The following ANO1 variants were observed in gnomAD, a reference collection of about 807,000 sequenced individuals.
The protein encoded by ANO1 is anoctamin-1.
In ANO1, 59 loss-of-function variants were observed where a neutral mutation model predicts 124.0. That is an observed-to-expected ratio of 0.48 (90% CI 0.39 to 0.59). ANO1 has a LOEUF of 0.59. Among genes scored for constraint, ANO1 ranks in the 20% least tolerant of loss-of-function variants. ANO1 has a pLI of 0.00. For missense variants in ANO1, 1,059 were observed against 1,328.0 expected, an observed-to-expected ratio of 0.80 and a Z score of 3.15; for synonymous variants, 529 against 532.0, an observed-to-expected ratio of 0.99 and a Z score of 0.08.
At chr11:70,089,994 T>G (rs1424050251) in intron 2 of ANO1, among the ~76,000 whole-genome samples, 7 of 150,830 alleles carry the variant, frequency 4.6e-5, no homozygotes, top group African/African-American at 1.7e-4. Context: ...CCCCAGGGTT[T>G]GTTTGTTTGT....
chr11:70,013,765 G>A (rs560655829), intron 1 of ANO1, among the ~76,000 whole-genome samples: 1 of 111,690 alleles, frequency 9.0e-6, no homozygotes, highest in Admixed American at 9.3e-5. Flanking sequence ...TCGCGCCACT[G>A]CACTCCAGCC....
Position 70,161,360 on chromosome 11 carries a change from T to A in ANO1, c.1778T>A (p.Ile593Asn). 1 of 1,613,780 alleles carries A rather than the reference T, an allele frequency of 6.2e-7. No individual in the cohort carries two copies. The highest frequency in any genetic ancestry group is 8.5e-7 in the Non-Finnish European group (1 of 1,179,808). The change falls in exon 17 of 26, where the codon ATC (isoleucine) becomes AAC (asparagine). Residue 593 changes from isoleucine to asparagine, a missense_variant and splice_region_variant. Around this residue, in one of 2 missense-constraint regions of ANO1, gnomAD observed 809 missense variants for 1,094.9 expected, o/e 0.74. Coordinates refer to ENST00000355303, the MANE Select transcript of ANO1 (RefSeq NM_018043.7). ...TGCATAGCCCGATGGCTCACCAAGA[T>A]CGGTGAGTGCCCATGTTCCAGGTAC... Reference protein sequence around the residue: ...YGCIARWLTKIEVPKTEKSFE... With the variant: ...YGCIARWLTKNEVPKTEKSFE...
intron 16 of ANO1, among the ~76,000 whole-genome samples, chr11:70,158,567 T>C (rs1017541412): frequency 3.9e-5 from 6 of 152,252 alleles, no homozygotes; most frequent in African/African-American, 1.4e-4. Flanking sequence ...GGCATATGCC[T>C]GCAGAAGCTG....
At position 70,115,777 on chromosome 11, in the gene ANO1, T is replaced by A. The variant is rs558975541; in HGVS notation, c.856-681T>A. Among the ~76,000 whole-genome samples, 3 of 152,172 alleles carry A rather than the reference T, an allele frequency of 2.0e-5. No individual in the cohort carries two copies. In the East Asian group the frequency reaches 5.8e-4, roughly 29 times the overall value. ...CACTGAATGACAGTTAAGTATCATT[T>A]TGAGTGTTTGTGAGGGTAACGTGCA... On this transcript the variant is annotated intron_variant, in intron 7 of 25. Coordinates refer to ENST00000355303, the MANE Select transcript of ANO1 (RefSeq NM_018043.7).
intron 1 of ANO1, among the ~76,000 whole-genome samples, chr11:70,073,096 C>G (rs2044001454): frequency 6.6e-6 from 1 of 152,150 alleles, no homozygotes; most frequent in Non-Finnish European, 1.5e-5. Flanking sequence ...AGGAAATTGC[C>G]AGGCAATCTG....
intron 8 of ANO1, among the ~76,000 whole-genome samples, chr11:70,118,572 G>A (rs866697930): frequency 8.9e-6 from 1 of 112,046 alleles, no homozygotes; most frequent in Non-Finnish European, 1.9e-5. Flanking sequence ...ATGGATGGAT[G>A]GATAGATGGA....
rs145928150 is a variant in ANO1 at position 70,167,830 on chromosome 11, G to A, written c.2197+443G>A. On this transcript the variant is annotated intron_variant, in intron 21 of 25. Coordinates refer to ENST00000355303, the MANE Select transcript of ANO1 (RefSeq NM_018043.7). ...CCCGGCCCTGCTAAGCTGCAAGATCGTCCTTACTTGAAACCCCCCACAATC... is the reference window on the plus strand; with the variant it reads ...CCCGGCCCTGCTAAGCTGCAAGATCATCCTTACTTGAAACCCCCCACAATC... Among the ~76,000 whole-genome samples the A allele has an allele frequency of 4.9e-3, 746 of 152,216 alleles. 11 individuals are homozygous for A. The highest frequency in any genetic ancestry group is 6.3e-3 in the Non-Finnish European group (427 of 68,002).
chr11:69,983,124 T>A (rs1036119737), upstream of ANO1, among the ~76,000 whole-genome samples: 44 of 152,180 alleles, frequency 2.9e-4, 2 homozygotes, highest in Admixed American at 2.2e-3. Flanking sequence ...GAGACCTGCA[T>A]GATGGTGCTG....
chr11:70,047,246 TC>T (rs1217269621), intron 1 of ANO1, among the ~76,000 whole-genome samples: 1 of 152,074 alleles, frequency 6.6e-6, no homozygotes, highest in Non-Finnish European at 1.5e-5. Context: ...AAATACATCA[TC>T]CTAATGTAAG....
chr11:69,984,119 A>G (rs782608360), upstream of ANO1, among the ~76,000 whole-genome samples: 3 of 152,208 alleles, frequency 2.0e-5, no homozygotes, highest in Non-Finnish European at 2.9e-5. Context: ...AGCAATTGCC[A>G]TGTATCACAT....
intron 5 of ANO1, among the ~76,000 whole-genome samples, chr11:70,107,983 G>A (rs142042797): frequency 1.3e-5 from 2 of 152,206 alleles, no homozygotes; most frequent in African/African-American, 2.4e-5. Context: ...CTCTCAGCAC[G>A]AGGGGACCGT....
chr11:70,068,178 T>C (rs1422547548), intron 1 of ANO1, among the ~76,000 whole-genome samples: 1 of 152,152 alleles, frequency 6.6e-6, no homozygotes, highest in Non-Finnish European at 1.5e-5. Context: ...CTGGAAAATG[T>C]TAAGACAACA....
chr11:70,175,722 T>C (rs1235435365), intron 22 of ANO1, among the ~76,000 whole-genome samples: 1 of 152,122 alleles, frequency 6.6e-6, no homozygotes, highest in Admixed American at 6.5e-5. Context: ...TCCAAATACC[T>C]CCCTGTTCTG....
At chr11:70,173,896 C>T (rs923631524) in intron 22 of ANO1, among the ~76,000 whole-genome samples, 1 of 151,738 alleles carries the variant, frequency 6.6e-6, no homozygotes, top group South Asian at 2.1e-4. Flanking sequence ...ACTAAAAATA[C>T]AAAAATTAGC....
rs79488512 is a variant in ANO1, at chr11:70,099,133, T to C, written c.442-3933T>C. ...TCTCGACAAAGTAGGTTCATGAACCTCAAAGACCCCAGCTTGAGGGCCAAG... is the reference window on the plus strand; with the variant it reads ...TCTCGACAAAGTAGGTTCATGAACCCCAAAGACCCCAGCTTGAGGGCCAAG... On this transcript the variant is annotated intron_variant, in intron 2 of 25. Coordinates refer to ENST00000355303, the MANE Select transcript of ANO1 (RefSeq NM_018043.7). 3.3e-3 allele frequency among the ~76,000 whole-genome samples: 504 copies of C among 152,088 alleles called. 5 individuals are homozygous for C. The highest frequency in any genetic ancestry group is 0.012 in the African/African-American group (478 of 41,490).
chr11:70,177,594 C>CTTTTTTTTTTTTTTTTTTTTTTTTTTTT (rs57647858), intron 22 of ANO1, among the ~76,000 whole-genome samples: 1 of 78,930 alleles, frequency 1.3e-5, no homozygotes, highest in Non-Finnish European at 2.2e-5. Context: ...TTTTTTTTTT[C>CTTTTTTTTTTTTTTTTTTTTTTTTTTTT]TTTTTTTTTT....
chr11:70,066,684 A>G (rs1857729692), intron 1 of ANO1, among the ~76,000 whole-genome samples: 1 of 152,186 alleles, frequency 6.6e-6, no homozygotes. Context: ...ACGGCACAGC[A>G]GAGACGTCTG....
chr11:70,136,916 C>A (rs2046975261), intron 11 of ANO1, among the ~76,000 whole-genome samples: 1 of 147,336 alleles, frequency 6.8e-6, no homozygotes. Context: ...GCGTGAGTTC[C>A]AGTGGTGAGC....
chr11:70,186,371 G>A (rs1226872147), intron 25 of ANO1, among the ~76,000 whole-genome samples: 1 of 150,984 alleles, frequency 6.6e-6, no homozygotes, highest in Non-Finnish European at 1.5e-5. Flanking sequence ...AGGAAGGAAG[G>A]AAGGAAGGAA....
Sources: allele counts gnomAD v4.1 joint callset (sites outside exome capture counted in the v4.1 genomes callset), GRCh38; gene constraint gnomAD v4.1.1; regional missense constraint gnomAD v4.1.1; transcripts MANE v1.5; gene names NCBI Gene and HGNC (gene_info 2026-07-23, HGNC 2026-07-21).